The following RNFT2 variants were observed in gnomAD, a reference collection of about 807,000 sequenced individuals.
The protein encoded by RNFT2 is ring finger protein, transmembrane 2.
RNFT2 carries 36 observed loss-of-function variants against 53.0 expected under a neutral mutation model. The ratio of observed to expected loss-of-function variants is 0.68; its 90% confidence interval spans 0.52 to 0.90. RNFT2 has a LOEUF of 0.90. Among genes scored for constraint, RNFT2 ranks in the 40% least tolerant of loss-of-function variants. RNFT2 has a pLI of 0.00. For synonymous variants in RNFT2, 260 were observed against 253.2 expected, an observed-to-expected ratio of 1.03 and a Z score of -0.26; for missense variants, 514 against 585.6, an observed-to-expected ratio of 0.88 and a Z score of 1.26.
intron 3 of RNFT2, among the ~76,000 whole-genome samples, chr12:116,744,097 A>G (rs781550721): frequency 1.1e-4 from 17 of 151,966 alleles, no homozygotes; most frequent in Non-Finnish European, 2.1e-4. Flanking sequence ...GTGGTGGCAG[A>G]TGCCTGTAGT....
chr12:116,827,153 G>A (rs1876379678), intron 7 of RNFT2, among the ~76,000 whole-genome samples: 1 of 151,296 alleles, frequency 6.6e-6, no homozygotes, highest in African/African-American at 2.4e-5. Context: ...CCAGGAGGCG[G>A]AGGCTGCAGT....
At chr12:116,819,351 G>C (rs1875864371) in intron 7 of RNFT2, among the ~76,000 whole-genome samples, 1 of 152,174 alleles carries the variant, frequency 6.6e-6, no homozygotes, top group South Asian at 2.1e-4. Flanking sequence ...GTACCGGCGC[G>C]GGACGCCCGG....
At chr12:116,839,771 AGGAAG>A (rs1326156652) in intron 10 of RNFT2, among the ~76,000 whole-genome samples, 2 of 95,640 alleles carry the variant, frequency 2.1e-5, no homozygotes, top group Non-Finnish European at 3.8e-5. Flanking sequence ...GAAGGAAGGA[AGGAAG>A]GGAGGGAGGG....
intron 4 of RNFT2, among the ~76,000 whole-genome samples, chr12:116,750,870 TA>T (rs1479298261): frequency 0.063 from 114 of 1,822 alleles, 2 homozygotes; most frequent in Admixed American, 0.11. Flanking sequence ...TATATATATA[TA>T]ATATATATAT....
At position 116,766,819 on chromosome 12, in the gene RNFT2, G is replaced by C. The variant is rs757209679; in HGVS notation, c.633G>C (p.Lys211Asn). The C allele has an allele frequency of 6.3e-7, 1 of 1,590,634 alleles. No homozygotes were observed. Among genetic ancestry groups the C allele is most frequent in the South Asian group, 1.1e-5 (1 of 87,164 alleles). ...TLREQVSLKE[K>N]RSVLVILWIL... ...ATCTCTTGCTTTGTCTTCAGGAGAA[G>C]AGGTCAGTGCTGGTCATCTTGTGGA... Residue 211 changes from lysine (K) to asparagine (N), a missense_variant, in exon 6 of 11, where the codon AAG (lysine) becomes AAC (asparagine). Lys to Asn is a moderately conservative substitution (Grantham distance 94). Around this residue, in one of 3 missense-constraint regions of RNFT2, gnomAD observed 273 missense variants for 334.4 expected, o/e 0.82. Transcript: ENST00000257575.
chr12:116,792,640 T>A (rs1160450710), intron 7 of RNFT2, among the ~76,000 whole-genome samples: 1 of 152,156 alleles, frequency 6.6e-6, no homozygotes, highest in African/African-American at 2.4e-5. Flanking sequence ...TAGAAAGTGA[T>A]GTGAATAGTC....
At chr12:116,833,731 C>A in intron 7 of RNFT2, 61 bp from the exon 8 acceptor site, 1 of 1,593,512 alleles carries the variant, frequency 6.3e-7, no homozygotes, top group African/African-American at 1.3e-5. Flanking sequence ...GGGGGGCCCC[C>A]CAGCTGGGTC....
At chr12:116,837,298 G>A (rs941254234) in intron 10 of RNFT2, among the ~76,000 whole-genome samples, 1 of 152,112 alleles carries the variant, frequency 6.6e-6, no homozygotes, top group African/African-American at 2.4e-5. Flanking sequence ...CACAGTCTCT[G>A]CCGGGAGACA....
chr12:116,768,709 T>A (rs1003841950), intron 6 of RNFT2, among the ~76,000 whole-genome samples: 1 of 150,566 alleles, frequency 6.6e-6, no homozygotes, highest in Non-Finnish European at 1.5e-5. Context: ...TACTTTTCAT[T>A]GTCATTTTTT....
chr12:116,738,462 G>A (rs1031740730), intron 1 of RNFT2, 92 bp downstream of exon 1: 3 of 152,320 alleles, frequency 2.0e-5, no homozygotes, highest in Admixed American at 1.3e-4. Flanking sequence ...TGCGCTGTGT[G>A]TTGGTTGCAG....
At chr12:116,791,273 G>A (rs548733297) in intron 7 of RNFT2, among the ~76,000 whole-genome samples, 4 of 152,288 alleles carry the variant, frequency 2.6e-5, no homozygotes, top group African/African-American at 7.2e-5. Flanking sequence ...CTATGTTTTC[G>A]AGGTTCATCC....
chr12:116,847,055 T>C (rs1286106799), intron 10 of RNFT2, among the ~76,000 whole-genome samples: 1 of 151,916 alleles, frequency 6.6e-6, no homozygotes, highest in East Asian at 1.9e-4. Flanking sequence ...ACTATAGGCG[T>C]GTGCCACCAT....
At chr12:116,804,946 G>A (rs1286269647) in intron 7 of RNFT2, among the ~76,000 whole-genome samples, 3 of 152,178 alleles carry the variant, frequency 2.0e-5, no homozygotes, top group African/African-American at 7.2e-5. Flanking sequence ...CATCCTGGGT[G>A]ATGAAGTGAA....
At chr12:116,793,232 G>A (rs1029361678) in intron 7 of RNFT2, among the ~76,000 whole-genome samples, 1 of 113,692 alleles carries the variant, frequency 8.8e-6, no homozygotes, top group Non-Finnish European at 1.9e-5. Flanking sequence ...TTTTTTTTGA[G>A]GCAGGGTTTC....
intron 7 of RNFT2, among the ~76,000 whole-genome samples, chr12:116,828,353 G>A (rs7136846): frequency 0.012 from 1,815 of 152,280 alleles, 34 homozygotes; most frequent in African/African-American, 0.041. Context: ...GCTCCCAGGC[G>A]ATGCTGATGG....
chr12:116,750,837 TATTA>T (rs1872176946), intron 4 of RNFT2, among the ~76,000 whole-genome samples: 2 of 28,018 alleles, frequency 7.1e-5, no homozygotes, highest in Admixed American at 5.2e-4. Flanking sequence ...ATAATATATA[TATTA>T]TATATATATA....
At chr12:116,808,807 C>G (rs1875212858) in intron 7 of RNFT2, among the ~76,000 whole-genome samples, 1 of 152,178 alleles carries the variant, frequency 6.6e-6, no homozygotes, top group African/African-American at 2.4e-5. Flanking sequence ...AGGAACATAG[C>G]TGCTATTGAA....
chr12:116,772,657 C>A (rs1036538297), intron 6 of RNFT2, among the ~76,000 whole-genome samples: 2 of 151,960 alleles, frequency 1.3e-5, no homozygotes, highest in African/African-American at 2.4e-5. Context: ...TTAAAAAGGA[C>A]CAAAAACACC....
intron 3 of RNFT2, among the ~76,000 whole-genome samples, chr12:116,745,207 C>T (rs1871838030): frequency 6.9e-6 from 1 of 144,818 alleles, no homozygotes; most frequent in African/African-American, 2.6e-5. Context: ...TAGAGTCTCA[C>T]TGTGTTGCCC....
Sources: allele counts gnomAD v4.1 joint callset (sites outside exome capture counted in the v4.1 genomes callset), GRCh38; gene constraint gnomAD v4.1.1; regional missense constraint gnomAD v4.1.1; transcripts MANE v1.5; gene names NCBI Gene and HGNC (gene_info 2026-07-23, HGNC 2026-07-21).